Variants in TENM2 observed in about 807,000 individuals in gnomAD.
TENM2 encodes the protein teneurin-2.
TENM2 carries 52 observed loss-of-function variants against 245.2 expected under a neutral mutation model. The ratio of observed to expected loss-of-function variants is 0.21; its 90% confidence interval spans 0.17 to 0.27. TENM2 has a LOEUF of 0.27. Among genes scored for constraint, TENM2 ranks in the 10% least tolerant of loss-of-function variants. The probability of loss-of-function intolerance (pLI) is 1.00; values close to 1 mark genes in which losing one functional copy is unlikely to be tolerated. For synonymous variants in TENM2, 1,363 were observed against 1,438.9 expected (o/e 0.95, Z 1.19); for missense variants, 3,046 against 3,666.8 (o/e 0.83, Z 4.37).
At chr5:167,036,763 G>T in the TENM2 span, among the ~76,000 whole-genome samples, 79 of 152,280 alleles carry the variant, frequency 5.2e-4, no homozygotes, top group Non-Finnish European at 9.8e-4. Context: ...TGCGTAATCA[G>T]TTGAATTTGC....
intron 2 of TENM2, among the ~76,000 whole-genome samples, chr5:167,583,373 A>G (rs536606938): frequency 6.6e-6 from 1 of 152,030 alleles, no homozygotes; most frequent in African/African-American, 2.4e-5. Flanking sequence ...ATCCTAAACC[A>G]TGTATTGCAG....
chr5:167,783,974 G>A (rs1356961988), intron 2 of TENM2, among the ~76,000 whole-genome samples: 1 of 152,118 alleles, frequency 6.6e-6, no homozygotes, highest in Non-Finnish European at 1.5e-5. Flanking sequence ...CTAAATAAGA[G>A]GGAGATTGAG....
At chr5:167,751,737 T>A (rs1418252947) in intron 2 of TENM2, among the ~76,000 whole-genome samples, 1 of 151,700 alleles carries the variant, frequency 6.6e-6, no homozygotes, top group Non-Finnish European at 1.5e-5. Context: ...TGGTTTTTTT[T>A]AAGCTTCACA....
chr5:167,834,278 T>C (rs1412412487), intron 2 of TENM2, among the ~76,000 whole-genome samples: 1 of 152,186 alleles, frequency 6.6e-6, no homozygotes, highest in African/African-American at 2.4e-5. Context: ...AAGCCAGCCA[T>C]GTATAGATCT....
At chr5:167,092,204 C>A in the TENM2 span, among the ~76,000 whole-genome samples, 1 of 152,140 alleles carries the variant, frequency 6.6e-6, no homozygotes, top group East Asian at 1.9e-4. Context: ...CATTTAGCGA[C>A]GTGAAAACTA....
intron 28 of TENM2, among the ~76,000 whole-genome samples, chr5:168,261,178 T>A (rs1287439050): frequency 6.6e-6 from 1 of 152,082 alleles, no homozygotes; most frequent in Non-Finnish European, 1.5e-5. Flanking sequence ...TGCCGTTACC[T>A]CCCAAACGCA....
upstream of TENM2, among the ~76,000 whole-genome samples, chr5:167,283,662 T>C (rs1259580403): frequency 2.0e-5 from 3 of 152,158 alleles, no homozygotes; most frequent in African/African-American, 2.4e-5. Context: ...TGGAGAAAAA[T>C]CATTGCCCTG....
At chr5:167,709,399 C>T (rs1758756273) in intron 2 of TENM2, among the ~76,000 whole-genome samples, 2 of 152,124 alleles carry the variant, frequency 1.3e-5, no homozygotes, top group African/African-American at 4.8e-5. Context: ...GCATCCAGGC[C>T]ATTTTGGATT....
intron 5 of TENM2, among the ~76,000 whole-genome samples, chr5:168,000,227 G>T (rs1415368978): frequency 2.0e-5 from 3 of 152,206 alleles, no homozygotes; most frequent in African/African-American, 7.2e-5. Flanking sequence ...ATCTTTCGTT[G>T]GTTCATTGAT....
chr5:167,325,337 T>C (rs1757017062), intron 1 of TENM2, among the ~76,000 whole-genome samples: 1 of 152,182 alleles, frequency 6.6e-6, no homozygotes, highest in Non-Finnish European at 1.5e-5. Flanking sequence ...ACGGTTTAAA[T>C]ATAGTTTGAG....
At chr5:167,051,988 T>G in the TENM2 span, among the ~76,000 whole-genome samples, 1 of 152,188 alleles carries the variant, frequency 6.6e-6, no homozygotes. Context: ...GCTTTTGAAT[T>G]TGAGTGGATA....
At chr5:167,350,413 ATG>A (rs35747170) in intron 1 of TENM2, among the ~76,000 whole-genome samples, 49,079 of 141,618 alleles carry the variant, frequency 0.35, 8,207 homozygotes, top group African/African-American at 0.4. Flanking sequence ...ATACATATAT[ATG>A]TGTGTGTGTG....
chr5:167,372,083 A>C (rs554583931), intron 1 of TENM2, among the ~76,000 whole-genome samples: 1 of 152,264 alleles, frequency 6.6e-6, no homozygotes, highest in African/African-American at 2.4e-5. Flanking sequence ...ATGAAAAGGT[A>C]ATTTTAAAAA....
intron 2 of TENM2, among the ~76,000 whole-genome samples, chr5:167,576,044 T>C (rs1774656628): frequency 6.6e-6 from 1 of 152,224 alleles, no homozygotes; most frequent in Non-Finnish European, 1.5e-5. Flanking sequence ...GTCTGTATCA[T>C]ATATGCTTTG....
intron 2 of TENM2, among the ~76,000 whole-genome samples, chr5:167,412,060 G>A (rs751466855): frequency 6.6e-6 from 1 of 152,032 alleles, no homozygotes; most frequent in Admixed American, 6.6e-5. Flanking sequence ...ATCAAATTGG[G>A]TACAGTGGGA....
At chr5:167,107,357 G>C in the TENM2 span, among the ~76,000 whole-genome samples, 1 of 152,106 alleles carries the variant, frequency 6.6e-6, no homozygotes, top group Non-Finnish European at 1.5e-5. Context: ...AGTTGTACGT[G>C]GTGGAGTACA....
chr5:168,094,536 G>A (rs1379658920), intron 8 of TENM2, among the ~76,000 whole-genome samples: 1 of 152,024 alleles, frequency 6.6e-6, no homozygotes, highest in East Asian at 1.9e-4. Context: ...AGAAGTTCCA[G>A]AATAGAACCC....
chr5:167,726,189 C>G (rs556352526), intron 2 of TENM2, among the ~76,000 whole-genome samples: 2 of 152,076 alleles, frequency 1.3e-5, no homozygotes, highest in East Asian at 3.9e-4. Context: ...GCCTTTAAAT[C>G]AAATGCCTCT....
intron 2 of TENM2, among the ~76,000 whole-genome samples, chr5:167,557,212 T>C (rs1439155490): frequency 6.6e-6 from 1 of 152,210 alleles, no homozygotes; most frequent in Non-Finnish European, 1.5e-5. Context: ...TTTTAAAATG[T>C]GGAATATAAT....
Sources: allele counts gnomAD v4.1 joint callset (sites outside exome capture counted in the v4.1 genomes callset), GRCh38; gene constraint gnomAD v4.1.1; transcripts MANE v1.5; gene names NCBI Gene and HGNC (gene_info 2026-07-23, HGNC 2026-07-21).